COL6A3: variants seen among roughly 807,000 people sequenced by gnomAD.
COL6A3 encodes collagen alpha-3(VI) chain.
Under a neutral mutation model 274.1 loss-of-function variants are expected in COL6A3, and 137 were observed. That is an observed-to-expected ratio of 0.50 (90% CI 0.44 to 0.58). The LOEUF is 0.58. Ranked by LOEUF, COL6A3 falls within the 20% of genes least tolerant of loss-of-function variation. The pLI is 0.00. For missense variants in COL6A3, 3,950 were observed against 4,124.9 expected (o/e 0.96, Z 1.16); for synonymous variants, 1,650 against 1,650.6 (o/e 1.00, Z 0.01).
Position 237,374,621 on chromosome 2 carries a change from C to T in COL6A3, c.3470G>A (p.Arg1157Lys). The part of the protein sequence containing the change: ...DVRNPSVVVK[R>K]GGAVPIGIGI... ...AATGCCAATGGGCACAGCCCCACCC[C>T]TCTTCACGACCACGGAGGGGTTCCG... The change falls in exon 8 of 44, where the codon AGG becomes AAG. Residue 1157 changes from arginine to lysine, a missense_variant. Around this residue, in one of 5 missense-constraint regions of COL6A3, gnomAD observed 1,934 missense variants for 1,984.3 expected, o/e 0.97. Transcript: ENST00000295550. This position sits in a 1 kb window ranked among gnomAD's most constrained non-coding sequence, Gnocchi z 4.8. 2 of 1,614,172 alleles carry T rather than the reference C, an allele frequency of 1.2e-6. No homozygotes were observed. The highest frequency in any genetic ancestry group is 1.7e-6 in the Non-Finnish European group (2 of 1,180,038).
chr2:237,411,276 T>C (rs1191781324), intron 1 of COL6A3, among the ~76,000 whole-genome samples: 1 of 152,204 alleles, frequency 6.6e-6, no homozygotes, highest in Non-Finnish European at 1.5e-5. Flanking sequence ...CTAAAGCTGT[T>C]ACTGCGCCTG....
chr2:237,398,529 C>T (rs1428219021), intron 1 of COL6A3, among the ~76,000 whole-genome samples: 3 of 152,192 alleles, frequency 2.0e-5, no homozygotes, highest in Admixed American at 2.0e-4. Context: ...CTGAAGTCCC[C>T]TTGCCAGGAC....
At position 237,396,773 on chromosome 2, in the gene COL6A3, G is replaced by A; in HGVS notation, c.45C>T (p.Leu15=). The part of the protein sequence containing the change: ...RHLPLVAVFC[L]FLSGFPTTHA... ...GAGTTGTAGGAAAGCCTGAGAGAAA[G>A]AGGCAAAAGACGGCCACTAAGGGCA... Residue 15 remains leucine (L), a synonymous_variant, in exon 2 of 44, where the codon CTC becomes CTT. Coordinates refer to ENST00000295550, the MANE Select transcript of COL6A3 (RefSeq NM_004369.4). 1.2e-6 allele frequency: 2 copies of A among 1,614,176 alleles called. No individual in the cohort carries two copies. Among genetic ancestry groups the A allele is most frequent in the Non-Finnish European group, 1.7e-6 (2 of 1,180,030 alleles).
At position 237,395,069 on chromosome 2, in the gene COL6A3, A is replaced by C. The variant is rs745613998; in HGVS notation, c.227T>G (p.Phe76Cys). Residue 76 changes from phenylalanine (F) to cysteine (C), a missense_variant, in exon 3 of 44, where the codon TTC becomes TGC. This residue lies in a region of COL6A3 where 1,934 missense variants were observed against 1,984.3 expected (regional missense o/e 0.97). Coordinates refer to ENST00000295550, the MANE Select transcript of COL6A3 (RefSeq NM_004369.4). ...GTTGAACTGGACCAGAGCAAAATGG[A>C]AATCATTTTCTCCCACAGCTAAGGA... The part of the protein sequence containing the change: ...VKSLAVGEND[F>C]HFALVQFNGN... 3.7e-6 allele frequency: 6 copies of C among 1,614,068 alleles called. No individual in the cohort carries two copies. The East Asian group carries it at 1.3e-4, about 36-fold the overall frequency.
chr2:237,389,083 T>G (rs956270324), intron 3 of COL6A3, among the ~76,000 whole-genome samples: 2 of 152,146 alleles, frequency 1.3e-5, no homozygotes, highest in Admixed American at 6.5e-5. Flanking sequence ...TAAACCCTGA[T>G]TAGAATTAGC....
intron 42 of COL6A3, among the ~76,000 whole-genome samples, chr2:237,331,562 G>A (rs776828194): frequency 2.6e-5 from 4 of 151,976 alleles, no homozygotes; most frequent in South Asian, 2.1e-4. Context: ...AATTGCTTTC[G>A]CACCAACCTA....
chr2:237,375,635 C>T (rs1161195043), intron 7 of COL6A3, among the ~76,000 whole-genome samples: 4 of 152,164 alleles, frequency 2.6e-5, no homozygotes, highest in Non-Finnish European at 4.4e-5. Context: ...CTCCGCCTCC[C>T]GGGTTCAAGT....
chr2:237,372,463 AG>A, intron 8 of COL6A3, 126 bp from the exon 9 acceptor site: 2 of 1,563,568 alleles, frequency 1.3e-6, no homozygotes, highest in Non-Finnish European at 8.7e-7. Context: ...CACTGTTAAA[AG>A]TCCAAGAAGT....
intron 8 of COL6A3, 116 bp from the exon 9 acceptor site, chr2:237,372,453 C>A: frequency 6.3e-7 from 1 of 1,583,074 alleles, no homozygotes. Flanking sequence ...CACCAATCAC[C>A]ACTGTTAAAA....
Position 237,368,563 on chromosome 2 carries a change from C to G in COL6A3, c.4900G>C (p.Glu1634Gln). 6.2e-7 allele frequency: 1 copy of G among 1,614,062 alleles called. No individual in the cohort carries two copies. Among genetic ancestry groups the G allele is most frequent in the Non-Finnish European group, 8.5e-7 (1 of 1,180,002 alleles). The change falls in exon 10 of 44, where the codon GAG becomes CAG. Residue 1634 changes from glutamate to glutamine, a missense_variant and splice_region_variant. Physicochemically the swap from Glu to Gln is conservative, Grantham distance 29 (BLOSUM62 2). Coordinates refer to ENST00000295550, the MANE Select transcript of COL6A3 (RefSeq NM_004369.4). The surrounding 1 kb of genome is among the most constrained non-coding windows in gnomAD (Gnocchi z 4.4). The stretch of plus-strand genomic sequence containing the variant: ...TAGTCATGGGTCACACGGTGCATAC[C>G]TGGCCGTGAAGGAGGAGGGGTGTCC... Reference protein sequence around the residue: ...GVDTPPPSRPEKKKADIVFLL... With the variant: ...GVDTPPPSRPQKKKADIVFLL...
At chr2:237,384,864 C>T (rs1453999279) in intron 4 of COL6A3, among the ~76,000 whole-genome samples, 1 of 152,178 alleles carries the variant, frequency 6.6e-6, no homozygotes, top group East Asian at 1.9e-4. Flanking sequence ...GCAGCTGCTT[C>T]TCCAGCTTCC....
At chr2:237,394,449 C>A in intron 3 of COL6A3, 138 bp downstream of exon 3, 1 of 1,069,690 alleles carries the variant, frequency 9.3e-7, no homozygotes, top group East Asian at 2.5e-5. Context: ...CAAATCAAAC[C>A]TTTGTTTTTA....
At position 237,363,321 on chromosome 2, in the gene COL6A3, C is replaced by T; in HGVS notation, c.5995G>A (p.Gly1999Arg). Residue 1999 changes from glycine (G) to arginine (R), a missense_variant, in exon 14 of 44, where the codon GGG becomes AGG. Transcript: ENST00000295550. ...CTCAGGGGCCTGTCATACATAAACC[C>T]TCGCCCAAACTCCAGATGCATTAGC... Reference protein sequence around the residue: ...ERLMHLEFGRGFMYDRPLRLN... With the variant: ...ERLMHLEFGRRFMYDRPLRLN... The T allele has an allele frequency of 1.2e-6, 2 of 1,614,106 alleles. No individual in the cohort carries two copies. The highest frequency in any genetic ancestry group is 1.7e-6 in the Non-Finnish European group (2 of 1,180,030).
chr2:237,363,973 T>A (rs2077492893), intron 13 of COL6A3, among the ~76,000 whole-genome samples: 1 of 152,252 alleles, frequency 6.6e-6, no homozygotes, highest in African/African-American at 2.4e-5. Flanking sequence ...TGTTATTAAA[T>A]GTTGAACTGT....
chr2:237,359,430 A>C, intron 17 of COL6A3, 42 bp from the exon 18 acceptor site: 1 of 1,612,210 alleles, frequency 6.2e-7, no homozygotes, highest in Non-Finnish European at 8.5e-7. Flanking sequence ...CTTTTCCTGC[A>C]GGGCTGGTCC....
chr2:237,341,968 C>T, intron 37 of COL6A3, 97 bp downstream of exon 37: 1 of 1,027,868 alleles, frequency 9.7e-7, no homozygotes, highest in Non-Finnish European at 1.5e-6. Flanking sequence ...TGAACTCAAG[C>T]TCTTTTTACA....
In COL6A3 at chr2:237,372,124, G is replaced by A. The variant is rs570869775; in HGVS notation, c.3893C>T (p.Ala1298Val). The change falls in exon 9 of 44, where the codon GCG (alanine) becomes GTG (valine). Residue 1298 changes from alanine to valine, a missense_variant. By Grantham distance (64) the Ala-to-Val change is moderately conservative (BLOSUM62 0). Transcript: ENST00000295550. ...TCCCTTGGGCCTCAGCCGCTGCACC[G>A]CGTTCTGCACTTCATCCTTGCTGGA... ...AHSSKDEVQN[A>V]VQRLRPKGGR... 2.4e-5 allele frequency: 38 copies of A among 1,614,034 alleles called. No homozygotes were observed. The highest frequency in any genetic ancestry group is 5.5e-5 in the South Asian group (5 of 91,086).
At chr2:237,391,579 C>A (rs2106383466) in intron 3 of COL6A3, among the ~76,000 whole-genome samples, 1 of 152,270 alleles carries the variant, frequency 6.6e-6, no homozygotes, top group Admixed American at 6.5e-5. Flanking sequence ...GTCACCCAGA[C>A]TGGAGTGCAG....
intron 14 of COL6A3, 104 bp downstream of exon 14, chr2:237,363,149 C>G: frequency 2.6e-6 from 3 of 1,159,164 alleles, no homozygotes; most frequent in Non-Finnish European, 3.9e-6. Context: ...CAAGGCCCCC[C>G]CCCCACCTCC....
Sources: allele counts gnomAD v4.1 joint callset (sites outside exome capture counted in the v4.1 genomes callset), GRCh38; gene constraint gnomAD v4.1.1; regional missense constraint gnomAD v4.1.1; non-coding constraint Gnocchi (gnomAD v3.1); transcripts MANE v1.5; gene names NCBI Gene and HGNC (gene_info 2026-07-23, HGNC 2026-07-21).